PTPRT: variants seen among roughly 807,000 people sequenced by gnomAD.
The protein encoded by PTPRT is protein tyrosine phosphatase receptor type T.
PTPRT carries 56 observed loss-of-function variants against 176.8 expected under a neutral mutation model. The observed-to-expected ratio is 0.32, with a 90% CI of 0.26 to 0.40. PTPRT has a LOEUF of 0.40. Among genes scored for constraint, PTPRT ranks in the 10% least tolerant of loss-of-function variants. The pLI is 1.00. For synonymous variants in PTPRT, 783 were observed against 739.0 expected (o/e 1.06, Z -0.96); for missense variants, 1,540 against 1,908.2 (o/e 0.81, Z 3.60).
chr20:42,783,332 T>C (rs544091108), intron 3 of PTPRT, among the ~76,000 whole-genome samples: 4 of 151,576 alleles, frequency 2.6e-5, no homozygotes, highest in African/African-American at 9.7e-5. Context: ...TCAGCTAATA[T>C]GAAAATATCC....
chr20:42,276,907 C>A (rs182563508), intron 13 of PTPRT, among the ~76,000 whole-genome samples: 1 of 152,122 alleles, frequency 6.6e-6, no homozygotes, highest in East Asian at 2.0e-4. Context: ...ATGAGAGCAT[C>A]TCACTGAAAA....
chr20:42,984,906 A>C (rs1983484682), intron 1 of PTPRT, among the ~76,000 whole-genome samples: 1 of 152,218 alleles, frequency 6.6e-6, no homozygotes, highest in Admixed American at 6.5e-5. Context: ...AGTAAGTGCT[A>C]ACGACAGAGG....
At chr20:42,612,199 C>T (rs1211359503) in intron 7 of PTPRT, among the ~76,000 whole-genome samples, 1 of 152,182 alleles carries the variant, frequency 6.6e-6, no homozygotes, top group Non-Finnish European at 1.5e-5. Context: ...CCTACTCTCC[C>T]ACCATTGTTC....
At position 42,532,265 on chromosome 20, in the gene PTPRT, A is replaced by T. The variant is rs547648715; in HGVS notation, c.1154-59703T>A. The stretch of plus-strand genomic sequence containing the variant: ...TCCATCTCTGAAGTCCCCACCCCAT[A>T]GGGCTGTTTGTGAGGCTGATATAAG... On this transcript the variant is annotated intron_variant, in intron 7 of 30. Transcript: ENST00000373187. Among the ~76,000 whole-genome samples, 4 of 152,292 alleles carry T rather than the reference A, an allele frequency of 2.6e-5. No homozygotes were observed. The South Asian group carries it at 8.3e-4, about 32-fold the overall frequency.
chr20:42,663,348 T>G (rs924098800), intron 7 of PTPRT, among the ~76,000 whole-genome samples: 1 of 152,078 alleles, frequency 6.6e-6, no homozygotes, highest in Non-Finnish European at 1.5e-5. Context: ...ACTTTTAAAG[T>G]CTGAGAAAGG....
chr20:42,453,654 CT>C (rs930028193), intron 8 of PTPRT, among the ~76,000 whole-genome samples: 82 of 143,380 alleles, frequency 5.7e-4, no homozygotes, highest in African/African-American at 2.0e-3. Flanking sequence ...CCTGATTTTC[CT>C]TTTTTTTCTT....
Position 42,074,889 on chromosome 20 carries a change from A to G in PTPRT, c.*5990T>C, listed in dbSNP as rs1982622428. On this transcript the variant is annotated 3_prime_UTR_variant, in exon 31 of 31. Transcript: ENST00000373187. Reference sequence around the variant, plus strand: ...CATCCCTGGTTACTAAAAAACTAGAAGAGTCTGCTCATGTGCACAAATATG... The same window carrying G: ...CATCCCTGGTTACTAAAAAACTAGAGGAGTCTGCTCATGTGCACAAATATG... 2.5e-6 allele frequency: 1 copy of G among 398,610 alleles called. No homozygotes were observed. Among genetic ancestry groups the G allele is most frequent in the African/African-American group, 2.1e-5 (1 of 48,746 alleles). The allele number at this position is 398,610 out of a possible 1,614,324, so 24.7% of individuals were successfully genotyped here. A position where few individuals can be genotyped will look rare whatever the true frequency, so the allele number is the denominator to read the frequency against.
intron 7 of PTPRT, among the ~76,000 whole-genome samples, chr20:42,524,469 T>A (rs1220821774): frequency 6.6e-6 from 1 of 152,234 alleles, no homozygotes; most frequent in African/African-American, 2.4e-5. Flanking sequence ...CGCTGTTTTC[T>A]GGCTTTCATT....
intron 26 of PTPRT, among the ~76,000 whole-genome samples, chr20:42,101,299 G>A (rs1253154737): frequency 3.3e-5 from 5 of 152,192 alleles, no homozygotes; most frequent in Non-Finnish European, 5.9e-5. Flanking sequence ...AGCTCCCTGG[G>A]TGACCTTGAG....
In PTPRT at chr20:43,048,070, A is replaced by G. The variant is rs78277839; in HGVS notation, c.88+141576T>C. Among the ~76,000 whole-genome samples the G allele has an allele frequency of 9.9e-3, 1,512 of 152,294 alleles. 35 individuals are homozygous for G. The highest frequency in any genetic ancestry group is 0.034 in the African/African-American group (1,419 of 41,544). ...TCATTTGGAAAAGCCATAGAAAAGA[A>G]CATGGGAGTACAAAGGTGGGGTCTC... On this transcript the variant is annotated intron_variant, in intron 1 of 30. Transcript: ENST00000373187.
chr20:42,083,023 G>A (rs1438202952), intron 29 of PTPRT, among the ~76,000 whole-genome samples: 1 of 146,624 alleles, frequency 6.8e-6, no homozygotes, highest in East Asian at 2.1e-4. Flanking sequence ...AGGAAACCAA[G>A]TTCCCTGTTG....
intron 9 of PTPRT, among the ~76,000 whole-genome samples, chr20:42,443,163 A>G (rs768415218): frequency 9.9e-5 from 15 of 152,240 alleles, no homozygotes; most frequent in Non-Finnish European, 1.8e-4. Flanking sequence ...CAATGTTTTC[A>G]TCAGGCAGAG....
At position 42,973,577 on chromosome 20, in the gene PTPRT, G is replaced by A. The variant is rs1221684533; in HGVS notation, c.89-87645C>T. On this transcript the variant is annotated intron_variant, in intron 1 of 30. Coordinates refer to ENST00000373187, the MANE Select transcript of PTPRT (RefSeq NM_007050.6). ...CCAAACTGTAAACTCTCTGTGCAGC[G>A]ACCTCAGCCCCTTTTCCCACAGTGG... Among the ~76,000 whole-genome samples, 3 of 152,068 alleles carry A rather than the reference G, an allele frequency of 2.0e-5. No homozygotes were observed. In the East Asian group the frequency reaches 5.8e-4, roughly 29 times the overall value.
At chr20:42,911,574 C>A (rs895550721) in intron 1 of PTPRT, among the ~76,000 whole-genome samples, 7 of 152,060 alleles carry the variant, frequency 4.6e-5, no homozygotes, top group Non-Finnish European at 7.4e-5. Flanking sequence ...TAGGGGCATC[C>A]TCCATATATT....
intron 18 of PTPRT, among the ~76,000 whole-genome samples, chr20:42,140,836 C>T (rs1052764915): frequency 6.6e-6 from 1 of 152,200 alleles, no homozygotes; most frequent in Non-Finnish European, 1.5e-5. Context: ...CCAGTGACCT[C>T]AAGCAAGTAC....
At chr20:42,918,906 T>C (rs1479071410) in intron 1 of PTPRT, among the ~76,000 whole-genome samples, 3 of 152,174 alleles carry the variant, frequency 2.0e-5, no homozygotes, top group Admixed American at 2.0e-4. Context: ...CTCTTCTAGT[T>C]TCTTTCCACT....
intron 13 of PTPRT, among the ~76,000 whole-genome samples, chr20:42,249,882 C>T (rs892598012): frequency 1.3e-5 from 2 of 152,218 alleles, no homozygotes; most frequent in Non-Finnish European, 2.9e-5. Flanking sequence ...CAGGGGTTAT[C>T]AGCACCCGAA....
In PTPRT at chr20:43,177,950, C is replaced by CCCCT. The variant is rs774228641; in HGVS notation, c.88+11695_88+11696insAGGG. On this transcript the variant is annotated intron_variant, in intron 1 of 30. Transcript: ENST00000373187. Reference sequence around the variant, plus strand: ...CCCAGAAATATTTTCCTACTTGGAACAGGGATCTTCCAAGAGGAAAACTTA... The same window carrying CCCCT: ...CCCAGAAATATTTTCCTACTTGGAACCCCTAGGGATCTTCCAAGAGGAAAACTTA... Among the ~76,000 whole-genome samples the CCCCT allele has an allele frequency of 4.5e-4, 68 of 152,212 alleles. 1 individual carries two copies. Among genetic ancestry groups the CCCCT allele is most frequent in the Non-Finnish European group, 7.3e-4 (50 of 68,032 alleles).
chr20:42,450,030 G>A (rs1398903525), intron 8 of PTPRT, among the ~76,000 whole-genome samples: 20 of 152,130 alleles, frequency 1.3e-4, no homozygotes, highest in African/African-American at 4.8e-4. Flanking sequence ...TATCACTAAA[G>A]AAATTGCAGG....
Sources: allele counts gnomAD v4.1 joint callset (sites outside exome capture counted in the v4.1 genomes callset), GRCh38; gene constraint gnomAD v4.1.1; transcripts MANE v1.5; gene names NCBI Gene and HGNC (gene_info 2026-07-23, HGNC 2026-07-21).